NFIA: variants seen among roughly 807,000 people sequenced by gnomAD.
The protein encoded by NFIA is nuclear factor I A.
NFIA carries 8 observed loss-of-function variants against 62.8 expected under a neutral mutation model. The observed-to-expected ratio is 0.13, with a 90% CI of 0.07 to 0.23. The LOEUF (loss-of-function observed/expected upper bound fraction) is 0.23, where lower values mean the gene tolerates loss of function less well. NFIA is among the 10% of genes least tolerant of loss of function. The probability of loss-of-function intolerance (pLI) is 1.00; values close to 1 mark genes in which losing one functional copy is unlikely to be tolerated. For synonymous variants in NFIA, 235 were observed against 238.1 expected (o/e 0.99, Z 0.12); for missense variants, 410 against 642.1 (o/e 0.64, Z 3.91).
intron 4 of NFIA, among the ~76,000 whole-genome samples, chr1:61,335,253 T>C (rs114948133): frequency 5.2e-4 from 79 of 152,300 alleles, no homozygotes; most frequent in Non-Finnish European, 6.3e-4. Flanking sequence ...TAGTCGACTG[T>C]AGTCAGGAGA....
intron 3 of NFIA, among the ~76,000 whole-genome samples, chr1:61,329,033 A>C (rs1043882636): frequency 7.2e-6 from 1 of 139,678 alleles, no homozygotes; most frequent in Admixed American, 7.2e-5. Context: ...TCCATTTATA[A>C]TTTTTTTCTT....
chr1:61,335,328 TGG>T (rs1178350137), intron 4 of NFIA, among the ~76,000 whole-genome samples: 1 of 152,178 alleles, frequency 6.6e-6, no homozygotes, highest in Non-Finnish European at 1.5e-5. Context: ...CTTGGCTGCC[TGG>T]GTAAGGATCC....
chr1:61,325,864 C>T (rs796543738), intron 3 of NFIA, among the ~76,000 whole-genome samples: 9 of 131,286 alleles, frequency 6.9e-5, no homozygotes, highest in African/African-American at 2.6e-4. Flanking sequence ...AACCCAGAGG[C>T]GGAGCTTGCA....
intron 4 of NFIA, among the ~76,000 whole-genome samples, chr1:61,334,535 ATGTG>A (rs35661377): frequency 1.7e-5 from 1 of 58,610 alleles, no homozygotes; most frequent in African/African-American, 1.1e-4. Context: ...GTGTGTATAT[ATGTG>A]TGTGTGTGTG....
intron 2 of NFIA, among the ~76,000 whole-genome samples, chr1:61,174,586 C>G (rs1187819280): frequency 6.6e-6 from 1 of 152,196 alleles, no homozygotes; most frequent in African/African-American, 2.4e-5. Context: ...AGCTGCTACT[C>G]TGTGCTCCAA....
intron 4 of NFIA, among the ~76,000 whole-genome samples, chr1:61,344,569 T>C (rs1428234197): frequency 6.6e-6 from 1 of 152,244 alleles, no homozygotes; most frequent in East Asian, 1.9e-4. Flanking sequence ...ACAATAATGG[T>C]CAGTCTCTGA....
At chr1:61,349,116 A>T (rs986055461) in intron 4 of NFIA, among the ~76,000 whole-genome samples, 1 of 152,204 alleles carries the variant, frequency 6.6e-6, no homozygotes, top group Non-Finnish European at 1.5e-5. Context: ...ATACATAAAG[A>T]TTACCTAATA....
chr1:61,133,581 A>G (rs1647121643), intron 2 of NFIA, among the ~76,000 whole-genome samples: 1 of 152,214 alleles, frequency 6.6e-6, no homozygotes, highest in Non-Finnish European at 1.5e-5. Flanking sequence ...AGCATTGCCT[A>G]GTGGGGGTAC....
chr1:61,103,785 C>A (rs556795962), intron 2 of NFIA, among the ~76,000 whole-genome samples: 1 of 152,270 alleles, frequency 6.6e-6, no homozygotes, highest in Admixed American at 6.5e-5. Context: ...TTTCCTTTCT[C>A]ACCCTACCAT....
intron 2 of NFIA, among the ~76,000 whole-genome samples, chr1:61,095,204 A>G (rs1646389406): frequency 6.6e-6 from 1 of 152,204 alleles, no homozygotes; most frequent in Non-Finnish European, 1.5e-5. Context: ...AATTGGGAGT[A>G]GAGAAAAGGA....
intron 6 of NFIA, among the ~76,000 whole-genome samples, chr1:61,378,305 CAGG>C (rs763901598): frequency 1.3e-5 from 2 of 152,152 alleles, no homozygotes; most frequent in Non-Finnish European, 2.9e-5. Context: ...TCGAAAGAAT[CAGG>C]AGAAGTAGAA....
intron 2 of NFIA, among the ~76,000 whole-genome samples, chr1:61,143,980 C>T (rs2100510615): frequency 6.6e-6 from 1 of 152,324 alleles, no homozygotes; most frequent in East Asian, 1.9e-4. Flanking sequence ...TTAGTTTACA[C>T]ACAATTCTAA....
chr1:61,402,250 G>C (rs772341760), intron 7 of NFIA, among the ~76,000 whole-genome samples: 46 of 151,920 alleles, frequency 3.0e-4, no homozygotes, highest in South Asian at 8.3e-4. Flanking sequence ...GTGTTACCCA[G>C]GGTGGTCTCA....
At position 61,406,555 on chromosome 1, in the gene NFIA, C is replaced by T. The variant is rs200406628; in HGVS notation, c.1255-7C>T. The T allele has an allele frequency of 1.0e-4, 145 of 1,405,988 alleles. 1 individual carries two copies. In the African/African-American group the frequency reaches 1.7e-3, roughly 17 times the overall value. The allele number at this position is 1,405,988 out of a possible 1,614,324, so 87.1% of individuals were successfully genotyped here. A position where few individuals can be genotyped will look rare whatever the true frequency, so the allele number is the denominator to read the frequency against. On this transcript the variant is annotated splice_polypyrimidine_tract_variant and splice_region_variant and intron_variant, in intron 8 of 10. Transcript: ENST00000403491. ...ACGTGTGTTTTCTGCCCCCCCCCCC[C>T]CCACAGCCCAATGGGAGCAGCCAAG... is the stretch of plus-strand genomic sequence containing the variant.
At chr1:61,453,443 C>CTTTTTTTTTTTTTT (rs11336299) in intron 10 of NFIA, among the ~76,000 whole-genome samples, 52 of 78,886 alleles carry the variant, frequency 6.6e-4, no homozygotes, top group African/African-American at 8.7e-4. Flanking sequence ...TGTGAAGAAA[C>CTTTTTTTTTTTTTT]TTTTTTTTTT....
intron 2 of NFIA, among the ~76,000 whole-genome samples, chr1:61,268,447 T>G (rs1657310396): frequency 6.6e-6 from 1 of 151,356 alleles, no homozygotes; most frequent in African/African-American, 2.4e-5. Flanking sequence ...ATTCCCTTTC[T>G]TCCTTTTATT....
chr1:61,246,476 G>A (rs1444962886), intron 2 of NFIA, among the ~76,000 whole-genome samples: 1 of 151,940 alleles, frequency 6.6e-6, no homozygotes, highest in African/African-American at 2.4e-5. Flanking sequence ...TTCTCTTTAG[G>A]CAGAAAGAGA....
chr1:61,381,100 GAAA>G (rs71582641), intron 6 of NFIA, among the ~76,000 whole-genome samples: 10 of 134,944 alleles, frequency 7.4e-5, no homozygotes, highest in Admixed American at 5.9e-4. Flanking sequence ...TCCATTATCT[GAAA>G]AAAAAAAAAA....
chr1:61,392,949 T>C (rs2499507), intron 7 of NFIA, among the ~76,000 whole-genome samples: 103,039 of 152,010 alleles, frequency 0.68, 37,043 homozygotes, highest in East Asian at 0.94. Flanking sequence ...CAGTGGTGCA[T>C]GTGTGCGCAC....
Sources: allele counts gnomAD v4.1 joint callset (sites outside exome capture counted in the v4.1 genomes callset), GRCh38; gene constraint gnomAD v4.1.1; transcripts MANE v1.5; gene names NCBI Gene and HGNC (gene_info 2026-07-23, HGNC 2026-07-21).